GABRA2: variants seen among roughly 807,000 people sequenced by gnomAD.
The protein encoded by GABRA2 is gamma-aminobutyric acid type A receptor subunit alpha2.
Under a neutral mutation model 48.7 loss-of-function variants are expected in GABRA2, and 16 were observed. That is an observed-to-expected ratio of 0.33 (90% CI 0.22 to 0.50). The LOEUF (loss-of-function observed/expected upper bound fraction) is 0.50, where lower values mean the gene tolerates loss of function less well. GABRA2 is among the 20% of genes least tolerant of loss of function. The pLI, the probability that GABRA2 is intolerant of heterozygous loss-of-function variation, is 0.98. For synonymous variants in GABRA2, 185 were observed against 184.5 expected (o/e 1.00, Z -0.02); for missense variants, 275 against 535.6 (o/e 0.51, Z 4.80).
rs1272952549 is a variant in GABRA2, at chr4:46,243,999, A to G, written c.*6309T>C. The G allele has an allele frequency of 6.6e-6, 1 of 151,580 alleles. No individual in the cohort carries two copies. Among genetic ancestry groups the G allele is most frequent in the Non-Finnish European group, 1.5e-5 (1 of 67,638 alleles). 9.4% of individuals were successfully genotyped at this position (151,580 alleles called of 1,614,324 possible). A position where few individuals can be genotyped will look rare whatever the true frequency, so the allele number is the denominator to read the frequency against. ...GATGTTCCTTAGTTTGAAGCACATC[A>G]AAACCTGAATTTGTATCTGCTCAGG... On this transcript the variant is annotated 3_prime_UTR_variant, in exon 10 of 10. Coordinates refer to ENST00000381620, the MANE Select transcript of GABRA2 (RefSeq NM_000807.4).
At chr4:46,389,056 G>A in intron 1 of GABRA2, 1 of 1,042,092 alleles carries the variant, frequency 9.6e-7, no homozygotes, top group African/African-American at 1.7e-5. Context: ...ATAACACCCT[G>A]GACTTTAAAC....
chr4:46,329,631 C>T (rs1210680878), intron 4 of GABRA2, among the ~76,000 whole-genome samples: 1 of 152,126 alleles, frequency 6.6e-6, no homozygotes. Context: ...GATATTCTAT[C>T]TGCATTTCTT....
chr4:46,286,530 T>C (rs928191874), intron 8 of GABRA2, among the ~76,000 whole-genome samples: 1 of 152,110 alleles, frequency 6.6e-6, no homozygotes, highest in Non-Finnish European at 1.5e-5. Flanking sequence ...ATCAAATTTG[T>C]TCACAGTGGA....
At chr4:46,329,919 T>A (rs558988384) in intron 4 of GABRA2, among the ~76,000 whole-genome samples, 76 of 152,170 alleles carry the variant, frequency 5.0e-4, no homozygotes, top group African/African-American at 1.8e-3. Context: ...TTAGGCTAGA[T>A]GAATTAAGGG....
intron 4 of GABRA2, among the ~76,000 whole-genome samples, chr4:46,314,915 T>A (rs540312477): frequency 5.3e-5 from 8 of 152,232 alleles, no homozygotes; most frequent in African/African-American, 1.7e-4. Context: ...TAATTCCATG[T>A]CTTTGCTATC....
intron 4 of GABRA2, among the ~76,000 whole-genome samples, chr4:46,316,185 T>A (rs1389326307): frequency 1.3e-5 from 2 of 151,994 alleles, no homozygotes; most frequent in African/African-American, 4.8e-5. Flanking sequence ...TTATTTATAA[T>A]TTGTCACCGT....
At chr4:46,296,672 A>AAAG (rs1724775918) in intron 8 of GABRA2, among the ~76,000 whole-genome samples, 2 of 151,700 alleles carry the variant, frequency 1.3e-5, no homozygotes, top group Admixed American at 1.3e-4. Flanking sequence ...AAAAAAGAAA[A>AAAG]AAAAAAACCT....
intron 4 of GABRA2, among the ~76,000 whole-genome samples, chr4:46,323,766 G>A (rs1729856572): frequency 6.6e-6 from 1 of 151,578 alleles, no homozygotes. Flanking sequence ...GCCATGTGGT[G>A]GAGCACAGGG....
intron 3 of GABRA2, among the ~76,000 whole-genome samples, chr4:46,333,594 G>A (rs2109817688): frequency 6.6e-6 from 1 of 152,108 alleles, no homozygotes; most frequent in Non-Finnish European, 1.5e-5. Flanking sequence ...ACAACCATTA[G>A]AGTAAACTAT....
chr4:46,304,359 C>T (rs1361791906), intron 7 of GABRA2, among the ~76,000 whole-genome samples: 3 of 152,148 alleles, frequency 2.0e-5, no homozygotes, highest in Non-Finnish European at 4.4e-5. Context: ...TGCTAATTTG[C>T]TTCAGTCACT....
chr4:46,265,934 T>C (rs978817254), intron 8 of GABRA2, among the ~76,000 whole-genome samples: 3 of 152,076 alleles, frequency 2.0e-5, no homozygotes, highest in Non-Finnish European at 4.4e-5. Context: ...TTCATGGTTA[T>C]TTAGAAATGT....
intron 4 of GABRA2, among the ~76,000 whole-genome samples, chr4:46,321,290 A>G (rs1431889593): frequency 6.6e-6 from 1 of 151,910 alleles, no homozygotes; most frequent in Admixed American, 6.6e-5. Context: ...GCTTAGATAC[A>G]TAGGATGAAT....
At chr4:46,362,268 A>G (rs1029126499) in intron 3 of GABRA2, among the ~76,000 whole-genome samples, 3 of 152,132 alleles carry the variant, frequency 2.0e-5, no homozygotes, top group Non-Finnish European at 4.4e-5. Flanking sequence ...AAGTCTCATG[A>G]GATCTGATGA....
intron 8 of GABRA2, among the ~76,000 whole-genome samples, chr4:46,290,911 T>C (rs2109533367): frequency 6.6e-6 from 1 of 152,300 alleles, no homozygotes; most frequent in African/African-American, 2.4e-5. Context: ...CTTTCTTATG[T>C]TGATCCACCC....
chr4:46,293,570 C>T (rs1724077492), intron 8 of GABRA2, among the ~76,000 whole-genome samples: 1 of 152,094 alleles, frequency 6.6e-6, no homozygotes, highest in African/African-American at 2.4e-5. Flanking sequence ...TCCAGTCAGG[C>T]CCTGGACTCA....
chr4:46,356,900 A>C (rs1297064181), intron 3 of GABRA2, among the ~76,000 whole-genome samples: 1 of 152,198 alleles, frequency 6.6e-6, no homozygotes, highest in Non-Finnish European at 1.5e-5. Context: ...TGGGAAAAGA[A>C]ACTGAACATG....
At chr4:46,305,519 CTATTAA>C (rs1726530654) in intron 7 of GABRA2, 43 bp downstream of exon 7, 1 of 1,553,672 alleles carries the variant, frequency 6.4e-7, no homozygotes, top group African/African-American at 1.4e-5. Flanking sequence ...GTCCTTTAAC[CTATTAA>C]TATTCTTAGG....
chr4:46,294,337 G>C (rs1172739847), intron 8 of GABRA2, among the ~76,000 whole-genome samples: 1 of 152,138 alleles, frequency 6.6e-6, no homozygotes, highest in African/African-American at 2.4e-5. Context: ...AAAATTTCTA[G>C]GGGTCCAGTA....
intron 8 of GABRA2, among the ~76,000 whole-genome samples, chr4:46,297,575 G>T (rs2109584768): frequency 7.0e-6 from 1 of 143,308 alleles, no homozygotes; most frequent in East Asian, 2.0e-4. Context: ...TTGTTGGTGT[G>T]ATATCATTAT....
Sources: allele counts gnomAD v4.1 joint callset (sites outside exome capture counted in the v4.1 genomes callset), GRCh38; gene constraint gnomAD v4.1.1; transcripts MANE v1.5; gene names NCBI Gene and HGNC (gene_info 2026-07-23, HGNC 2026-07-21).